The following PCDH15 variants were observed in gnomAD, a reference collection of about 807,000 sequenced individuals.
PCDH15 encodes protocadherin-15.
Under a neutral mutation model 178.5 loss-of-function variants are expected in PCDH15, and 129 were observed. That is an observed-to-expected ratio of 0.72 (90% CI 0.63 to 0.84). The LOEUF (loss-of-function observed/expected upper bound fraction) is 0.84, where lower values mean the gene tolerates loss of function less well. Among genes scored for constraint, PCDH15 ranks in the 40% least tolerant of loss-of-function variants. The probability of loss-of-function intolerance (pLI) is 0.00; values close to 1 mark genes in which losing one functional copy is unlikely to be tolerated. For missense variants in PCDH15, 2,230 were observed against 2,099.9 expected (o/e 1.06, Z -1.21); for synonymous variants, 800 against 732.0 (o/e 1.09, Z -1.50).
intron 2 of PCDH15, among the ~76,000 whole-genome samples, chr10:55,464,150 T>A (rs1262232692): frequency 6.6e-6 from 1 of 152,138 alleles, no homozygotes; most frequent in African/African-American, 2.4e-5. Context: ...TCAACCAATG[T>A]TGTTTTGTTT....
chr10:54,486,572 CCCTT>C (rs200789471), intron 3 of PCDH15, among the ~76,000 whole-genome samples: 8 of 151,112 alleles, frequency 5.3e-5, no homozygotes, highest in East Asian at 1.9e-4. Flanking sequence ...TTCTTCCTTT[CCCTT>C]CCTTCCTTCC....
At chr10:54,261,507 GT>G (rs1486727320) in intron 8 of PCDH15, among the ~76,000 whole-genome samples, 1 of 151,948 alleles carries the variant, frequency 6.6e-6, no homozygotes, top group Non-Finnish European at 1.5e-5. Context: ...AAAAAAAAAT[GT>G]TTAGGTTCAT....
rs188445155 is a variant in PCDH15 at position 53,867,081 on chromosome 10, G to T, written c.3502-224C>A. Among the ~76,000 whole-genome samples, 382 of 152,092 alleles carry T rather than the reference G, an allele frequency of 2.5e-3. 1 individual carries two copies. The highest frequency in any genetic ancestry group is 8.5e-3 in the African/African-American group (354 of 41,510). On this transcript the variant is annotated intron_variant, in intron 26 of 37. Coordinates refer to ENST00000644397, the MANE Select transcript of PCDH15 (RefSeq NM_001384140.1). The stretch of plus-strand genomic sequence containing the variant: ...AGAATGATAATAACTGCTGAAGTAT[G>T]AATAAAAGGGACATAGGTATAATTC...
chr10:54,067,032 TA>T (rs2094148334), intron 17 of PCDH15, 147 bp from the exon 18 acceptor site: 2 of 652,562 alleles, frequency 3.1e-6, no homozygotes, highest in African/African-American at 1.9e-5. Flanking sequence ...AATAAAAAAA[TA>T]AAAAAATTAA....
intron 2 of PCDH15, among the ~76,000 whole-genome samples, chr10:55,390,163 T>C (rs1366856552): frequency 6.6e-6 from 1 of 152,156 alleles, no homozygotes; most frequent in Non-Finnish European, 1.5e-5. Flanking sequence ...AAATTTATGG[T>C]TGCATTATAC....
intron 1 of PCDH15, among the ~76,000 whole-genome samples, chr10:54,754,308 C>T (rs370327516): frequency 9.9e-5 from 15 of 152,144 alleles, no homozygotes; most frequent in East Asian, 9.7e-4. Context: ...GAACATTGAG[C>T]CAAGGATGAA....
At chr10:54,726,851 G>GGAA (rs1424943825) in intron 1 of PCDH15, among the ~76,000 whole-genome samples, 3 of 114,714 alleles carry the variant, frequency 2.6e-5, no homozygotes, top group Admixed American at 8.8e-5. Context: ...GGATTAAAAA[G>GGAA]AAGAAAAAAA....
intron 29 of PCDH15, among the ~76,000 whole-genome samples, chr10:53,834,712 T>C (rs906854649): frequency 6.6e-6 from 1 of 152,166 alleles, no homozygotes; most frequent in East Asian, 1.9e-4. Context: ...CTCAAGCACA[T>C]GCAAACATGT....
chr10:54,518,550 G>A (rs2082475381), intron 3 of PCDH15, among the ~76,000 whole-genome samples: 1 of 152,100 alleles, frequency 6.6e-6, no homozygotes, highest in African/African-American at 2.4e-5. Flanking sequence ...AACAGGAGCT[G>A]AAATTGTGGC....
At chr10:54,534,053 A>C (rs1463356887) in intron 2 of PCDH15, among the ~76,000 whole-genome samples, 2 of 152,210 alleles carry the variant, frequency 1.3e-5, no homozygotes, top group Non-Finnish European at 2.9e-5. Context: ...AACAAGGACA[A>C]AATGAGGAAA....
intron 23 of PCDH15, among the ~76,000 whole-genome samples, chr10:53,950,831 C>G (rs2086963282): frequency 6.6e-6 from 1 of 152,182 alleles, no homozygotes; most frequent in Non-Finnish European, 1.5e-5. Context: ...TTTAATGACT[C>G]TGACATTGTA....
At position 54,593,108 on chromosome 10, in the gene PCDH15, A is replaced by G. The variant is rs1307513689; in HGVS notation, c.92-65231T>C. On this transcript the variant is annotated intron_variant, in intron 2 of 37. Coordinates refer to ENST00000644397, the MANE Select transcript of PCDH15 (RefSeq NM_001384140.1). ...TTTTATCAGATATACAGTTGCAAAT[A>G]TTTTCTGTAGTTTGTCTTTTCAGTC... Among the ~76,000 whole-genome samples the G allele has an allele frequency of 3.9e-5, 6 of 151,954 alleles. No individual in the cohort carries two copies. In the East Asian group the frequency reaches 1.2e-3, roughly 29 times the overall value.
At chr10:55,222,496 T>G (rs1028336083) in intron 1 of PCDH15, among the ~76,000 whole-genome samples, 9 of 151,852 alleles carry the variant, frequency 5.9e-5, no homozygotes, top group African/African-American at 1.9e-4. Context: ...ATGTCTGTCT[T>G]TTTATTTTTA....
intron 8 of PCDH15, among the ~76,000 whole-genome samples, chr10:54,268,146 T>C (rs2057812351): frequency 6.6e-6 from 1 of 151,810 alleles, no homozygotes; most frequent in African/African-American, 2.4e-5. Flanking sequence ...CCAACTGATC[T>C]TTAACATAAT....
chr10:54,505,851 A>G (rs764160817), intron 3 of PCDH15, among the ~76,000 whole-genome samples: 1 of 152,172 alleles, frequency 6.6e-6, no homozygotes, highest in Middle Eastern at 3.2e-3. Flanking sequence ...AAAGCTGTAT[A>G]AAATTAGCTT....
intron 2 of PCDH15, among the ~76,000 whole-genome samples, chr10:54,631,113 A>T (rs1285828776): frequency 3.3e-5 from 5 of 152,124 alleles, no homozygotes; most frequent in East Asian, 1.9e-4. Flanking sequence ...TGGGTTATGG[A>T]GGCTGATTCC....
At chr10:55,462,155 G>A (rs1049586508) in intron 2 of PCDH15, among the ~76,000 whole-genome samples, 2 of 152,032 alleles carry the variant, frequency 1.3e-5, no homozygotes, top group Admixed American at 6.6e-5. Flanking sequence ...AAAATATATA[G>A]TACAGAGTTT....
intron 22 of PCDH15, 44 bp downstream of exon 22, chr10:53,961,708 A>G: frequency 6.9e-7 from 1 of 1,446,488 alleles, no homozygotes; most frequent in East Asian, 2.5e-5. Flanking sequence ...TCTCTATCAA[A>G]AATTAAACAT....
intron 21 of PCDH15, among the ~76,000 whole-genome samples, chr10:53,990,267 A>G (rs1169956947): frequency 6.6e-6 from 1 of 152,052 alleles, no homozygotes; most frequent in African/African-American, 2.4e-5. Flanking sequence ...ACGCTACAAT[A>G]GTTCTCAAAA....
Sources: gnomAD v4.1 joint callset for allele counts (sites outside exome capture counted in the v4.1 genomes callset) on GRCh38, gnomAD v4.1.1 for gene constraint, MANE v1.5 for transcripts, NCBI Gene and HGNC (gene_info 2026-07-23, HGNC 2026-07-21) for gene names.